The following HAPLN1 variants were observed in gnomAD, a reference collection of about 807,000 sequenced individuals.
The protein encoded by HAPLN1 is hyaluronan and proteoglycan link protein 1.
HAPLN1 carries 13 observed loss-of-function variants against 36.5 expected under a neutral mutation model. That is an observed-to-expected ratio of 0.36 (90% CI 0.23 to 0.57). The LOEUF (loss-of-function observed/expected upper bound fraction) is 0.57, where lower values mean the gene tolerates loss of function less well. Ranked by LOEUF, HAPLN1 falls within the 20% of genes least tolerant of loss-of-function variation. The probability of loss-of-function intolerance (pLI) is 0.83; values close to 1 mark genes in which losing one functional copy is unlikely to be tolerated. For missense variants in HAPLN1, 407 were observed against 439.7 expected (o/e 0.93, Z 0.66); for synonymous variants, 202 against 169.8 (o/e 1.19, Z -1.48).
At chr5:83,642,136 C>G (rs1456713963) in intron 4 of HAPLN1, among the ~76,000 whole-genome samples, 3 of 152,120 alleles carry the variant, frequency 2.0e-5, no homozygotes, top group Non-Finnish European at 2.9e-5. Flanking sequence ...TATTTAAATT[C>G]TAGCTGTACA....
In HAPLN1 at chr5:83,644,722, C is replaced by T. The variant is rs574304903; in HGVS notation, c.473-57G>A. On this transcript the variant is annotated intron_variant, in intron 3 of 4. Transcript: ENST00000274341. The stretch of plus-strand genomic sequence containing the variant: ...AAGCCCCAAAACTAACAACTCTGAG[C>T]AAATGCCACCTAGTTGGTGAAAAAC... 64 of 1,303,412 alleles carry T rather than the reference C, an allele frequency of 4.9e-5. No individual in the cohort carries two copies. The South Asian group carries it at 1.3e-3, about 27-fold the overall frequency. The allele number at this position is 1,303,412 out of a possible 1,614,324, so 80.7% of individuals were successfully genotyped here.
intron 1 of HAPLN1, among the ~76,000 whole-genome samples, chr5:83,717,424 G>A (rs1287056623): frequency 1.3e-5 from 2 of 152,044 alleles, no homozygotes; most frequent in East Asian, 1.9e-4. Context: ...ACAACAGCAC[G>A]CCTAACTCTA....
intron 1 of HAPLN1, among the ~76,000 whole-genome samples, chr5:83,698,121 T>A (rs1224671278): frequency 6.6e-6 from 1 of 152,156 alleles, no homozygotes; most frequent in Non-Finnish European, 1.5e-5. Context: ...ACCTATGTTG[T>A]CTTCAAAAGT....
chr5:83,642,802 A>G (rs1749739132), intron 4 of HAPLN1, among the ~76,000 whole-genome samples: 1 of 152,048 alleles, frequency 6.6e-6, no homozygotes, highest in African/African-American at 2.4e-5. Context: ...ACTAGAGGTT[A>G]AGTACAATCA....
chr5:83,709,757 T>C (rs1295011070), intron 1 of HAPLN1, among the ~76,000 whole-genome samples: 1 of 152,212 alleles, frequency 6.6e-6, no homozygotes, highest in East Asian at 1.9e-4. Context: ...AGTGGGGAGA[T>C]ATTTTCATAT....
At position 83,644,601 on chromosome 5, in the gene HAPLN1, C is replaced by T. The variant is rs1365990454; in HGVS notation, c.537G>A (p.Gln179=). 9 of 1,530,174 alleles carry T rather than the reference C, an allele frequency of 5.9e-6. No individual in the cohort carries two copies. In the Admixed American group the frequency reaches 1.7e-4, roughly 28 times the overall value. 94.8% of individuals were successfully genotyped at this position (1,530,174 alleles called of 1,614,324 possible). The change falls in exon 4 of 5, where the codon CAG becomes CAA. Residue 179 remains glutamine (Q), a synonymous_variant. Coordinates refer to ENST00000274341, the MANE Select transcript of HAPLN1 (RefSeq NM_001884.4). The part of the protein sequence containing the change: ...RYNLNFHEAQ[Q]ACLDQDAVIA... ...TCACAGCATCCTGGTCCAGACACGC[C>T]TGCTGCGCCTCGTGAAAATTGAGAT...
Position 83,683,895 on chromosome 5 carries a change from T to A in HAPLN1, c.-26-10346A>T, listed in dbSNP as rs187963902. On this transcript the variant is annotated intron_variant, in intron 1 of 4. Transcript: ENST00000274341. ...GAGATGGACTTCTAACAGTGTACAT[T>A]CTCAGTAGGCAATTGTTTAAAAAAC... Among the ~76,000 whole-genome samples the A allele has an allele frequency of 2.0e-5, 3 of 152,138 alleles. No homozygotes were observed. The East Asian group carries it at 5.8e-4, about 29-fold the overall frequency.
chr5:83,672,454 G>C (rs1255745722), intron 2 of HAPLN1, among the ~76,000 whole-genome samples: 1 of 152,158 alleles, frequency 6.6e-6, no homozygotes, highest in African/African-American at 2.4e-5. Flanking sequence ...AAAACTAAAA[G>C]AGATGTGTCT....
chr5:83,676,261 T>A (rs1750859513), intron 1 of HAPLN1, among the ~76,000 whole-genome samples: 1 of 147,534 alleles, frequency 6.8e-6, no homozygotes, highest in Non-Finnish European at 1.5e-5. Flanking sequence ...CACAGAAAGA[T>A]AGATACATAC....
chr5:83,707,949 G>A lies in HAPLN1; in HGVS notation c.-27+12840C>T, dbSNP rs140072880. Among the ~76,000 whole-genome samples, 36 of 152,308 alleles carry A rather than the reference G, an allele frequency of 2.4e-4. No homozygotes were observed. The East Asian group carries it at 6.6e-3, about 28-fold the overall frequency. Reference sequence around the variant, plus strand: ...AAGAAGGCATACATGCAGCCAACAAGCATATGTTATAAAAGCTCAATATCA... The same window carrying A: ...AAGAAGGCATACATGCAGCCAACAAACATATGTTATAAAAGCTCAATATCA... On this transcript the variant is annotated intron_variant, in intron 1 of 4. Transcript: ENST00000274341.
At chr5:83,642,248 C>G (rs528780614) in intron 4 of HAPLN1, among the ~76,000 whole-genome samples, 1 of 152,174 alleles carries the variant, frequency 6.6e-6, no homozygotes, top group Non-Finnish European at 1.5e-5. Context: ...AAATCAAAAG[C>G]CCTCAAGTCC....
intron 2 of HAPLN1, among the ~76,000 whole-genome samples, chr5:83,654,652 A>T (rs1039818121): frequency 6.6e-6 from 1 of 152,204 alleles, no homozygotes; most frequent in African/African-American, 2.4e-5. Context: ...CCCATACTGA[A>T]ACATAGTTTA....
At chr5:83,688,468 CTCAT>C (rs1157595325) in intron 1 of HAPLN1, among the ~76,000 whole-genome samples, 1 of 152,106 alleles carries the variant, frequency 6.6e-6, no homozygotes. Flanking sequence ...TTAAGAAGTC[CTCAT>C]TCTCAGTCGT....
At chr5:83,662,405 C>G (rs941384270) in intron 2 of HAPLN1, among the ~76,000 whole-genome samples, 1 of 152,102 alleles carries the variant, frequency 6.6e-6, no homozygotes, top group Non-Finnish European at 1.5e-5. Context: ...GTTGTCTGCT[C>G]TGGTTAATAA....
chr5:83,711,984 T>A (rs1751794144), intron 1 of HAPLN1, among the ~76,000 whole-genome samples: 1 of 152,218 alleles, frequency 6.6e-6, no homozygotes, highest in Admixed American at 6.5e-5. Flanking sequence ...AATTTAGTGA[T>A]TGACTCAAGA....
At chr5:83,673,700 A>T in intron 1 of HAPLN1, 151 bp from the exon 2 acceptor site, 2 of 568,756 alleles carry the variant, frequency 3.5e-6, no homozygotes, top group South Asian at 4.5e-5. Context: ...GCTGCCTTTA[A>T]GAGCCGAAGA....
intron 1 of HAPLN1, among the ~76,000 whole-genome samples, chr5:83,705,340 A>G (rs1168568156): frequency 1.4e-5 from 2 of 144,226 alleles, no homozygotes; most frequent in South Asian, 2.3e-4. Flanking sequence ...CAGTGAGCCG[A>G]GATCGCACCA....
rs557605411 is a variant in HAPLN1 at position 83,716,412 on chromosome 5, G to A, written c.-27+4377C>T. Reference sequence around the variant, plus strand: ...AATTTTTCTTTTTGTTTTGTAAATAGTCTCCTGGTCTTGTAGCAATACCCT... The same window carrying A: ...AATTTTTCTTTTTGTTTTGTAAATAATCTCCTGGTCTTGTAGCAATACCCT... On this transcript the variant is annotated intron_variant, in intron 1 of 4. Coordinates refer to ENST00000274341, the MANE Select transcript of HAPLN1 (RefSeq NM_001884.4). Among the ~76,000 whole-genome samples the A allele has an allele frequency of 3.3e-4, 50 of 152,212 alleles. No individual in the cohort carries two copies. In the East Asian group the frequency reaches 8.9e-3, roughly 27 times the overall value.
rs200077752 is a variant in HAPLN1, at chr5:83,648,557, A to AT, written c.473-3893dup. On this transcript the variant is annotated intron_variant, in intron 3 of 4. Coordinates refer to ENST00000274341, the MANE Select transcript of HAPLN1 (RefSeq NM_001884.4). ...CTATATAATTTAGGCTACATGAAGA[A>AT]TTTTTTTTTCTAATTAGTAAAATTC... Among the ~76,000 whole-genome samples, 11 of 150,162 alleles carry AT rather than the reference A, an allele frequency of 7.3e-5. No homozygotes were observed. The East Asian group carries it at 1.4e-3, about 19-fold the overall frequency.
Sources: gnomAD v4.1 joint callset for allele counts (sites outside exome capture counted in the v4.1 genomes callset) on GRCh38, gnomAD v4.1.1 for gene constraint, MANE v1.5 for transcripts, NCBI Gene and HGNC (gene_info 2026-07-23, HGNC 2026-07-21) for gene names.